The following MYH6 variants were observed in gnomAD, a reference collection of about 807,000 sequenced individuals.
The protein encoded by MYH6 is myosin heavy chain 6.
A neutral mutation model predicts 223.2 loss-of-function variants in MYH6; 126 were observed. That is an observed-to-expected ratio of 0.56 (90% CI 0.49 to 0.65). The LOEUF (loss-of-function observed/expected upper bound fraction) is 0.65. Among genes scored for constraint, MYH6 ranks in the 30% least tolerant of loss-of-function variants. The pLI, the probability that MYH6 is intolerant of heterozygous loss-of-function variation, is 0.00. For missense variants in MYH6, 2,040 were observed against 2,536.4 expected, an observed-to-expected ratio of 0.80 and a Z score of 4.20; for synonymous variants, 978 against 1,010.2, an observed-to-expected ratio of 0.97 and a Z score of 0.61.
intron 36 of MYH6, 21 bp from the exon 37 acceptor site, chr14:23,383,341 G>GGGGGGGGGGGGCCCCCCCCCCCCCC: frequency 1.8e-6 from 1 of 556,572 alleles, no homozygotes; most frequent in East Asian, 4.9e-5. Context: ...GAGGGTGGGA[G>GGGGGGGGGGGGCCCCCCCCCCCCCC]AAGCTGGTTT....
At position 23,400,315 on chromosome 14, in the gene MYH6, C is replaced by T. The variant is rs747945067; in HGVS notation, c.1522G>A (p.Glu508Lys). Residue 508 changes from glutamate to lysine, a missense_variant, in exon 14 of 39, where the codon GAG (glutamate) becomes AAG (lysine). By Grantham distance (56) the Glu-to-Lys change is moderately conservative. This residue lies in a region of MYH6 where 649 missense variants were observed against 877.3 expected (regional missense o/e 0.74). Transcript: ENST00000405093. ...EQEEYKKEGI[E>K]WTFIDFGMDL... Reference sequence around the variant, plus strand: ...ATGCCAAAGTCAATGAATGTCCACTCAATGCCCTCCTTCTTGTACTCCTCC... The same window carrying T: ...ATGCCAAAGTCAATGAATGTCCACTTAATGCCCTCCTTCTTGTACTCCTCC... The T allele has an allele frequency of 1.2e-6, 2 of 1,614,232 alleles. No homozygotes were observed. Among genetic ancestry groups the T allele is most frequent in the African/African-American group, 2.7e-5 (2 of 75,062 alleles).
chr14:23,390,565 C>A, intron 25 of MYH6, 119 bp from the exon 26 acceptor site: 1 of 1,527,408 alleles, frequency 6.5e-7, no homozygotes, highest in Non-Finnish European at 8.8e-7. Context: ...CAACTAGGGG[C>A]AATTTTGTGC....
chr14:23,395,590 G>A (rs1038686704), intron 20 of MYH6, among the ~76,000 whole-genome samples: 2 of 151,596 alleles, frequency 1.3e-5, no homozygotes, highest in African/African-American at 2.4e-5. Context: ...GCAGTGGCTC[G>A]ATCTTGGCTC....
chr14:23,399,375 G>C (rs1033984585), intron 14 of MYH6, among the ~76,000 whole-genome samples: 2 of 152,150 alleles, frequency 1.3e-5, no homozygotes, highest in South Asian at 2.1e-4. Context: ...CAGAGGCACC[G>C]GGCCAGGCTC....
intron 22 of MYH6, 30 bp downstream of exon 22, chr14:23,393,636 T>C (rs1467917476): frequency 6.2e-7 from 1 of 1,614,108 alleles, no homozygotes; most frequent in Non-Finnish European, 8.5e-7. Flanking sequence ...TGAGGAGACC[T>C]GGGCTGAAGC....
chr14:23,389,489 C>T lies in MYH6; in HGVS notation c.3882G>A (p.Glu1294=), dbSNP rs1454599453. Residue 1294 remains glutamate, a synonymous_variant, in exon 28 of 39, where the codon GAG becomes GAA. Coordinates refer to ENST00000405093, the MANE Select transcript of MYH6 (RefSeq NM_002471.4). ...TENGELARQL[E]EKEALISQLT... is the part of the protein sequence containing the mutation. ...GCTGCGAGATTAGCGCCTCCTTTTC[C>T]TCTAGCTGCCGGGCCAACTCTCCTG... 2 of 1,614,164 alleles carry T rather than the reference C, an allele frequency of 1.2e-6. No individual in the cohort carries two copies. The highest frequency in any genetic ancestry group is 1.7e-5 in the Admixed American group (1 of 60,024).
intron 14 of MYH6, 77 bp from the exon 15 acceptor site, chr14:23,399,114 G>A (rs1161291481): frequency 1.3e-6 from 2 of 1,568,824 alleles, no homozygotes; most frequent in Non-Finnish European, 1.8e-6. Context: ...ACCCTGACAG[G>A]AAAAGGAATC....
rs142903245 is a variant in MYH6, at chr14:23,389,270, C to T, written c.3978+123G>A. 4.3e-5 allele frequency: 54 copies of T among 1,253,432 alleles called. No homozygotes were observed. In the African/African-American group the frequency reaches 7.6e-4, roughly 18 times the overall value. 77.6% of individuals were successfully genotyped at this position (1,253,432 alleles called of 1,614,324 possible). ...AATGACGCTTAGCTGCAGGGCAGAA[C>T]CTAGACTGGAGGGTCTTTCCCTTGC... is the stretch of plus-strand genomic sequence containing the variant. On this transcript the variant is annotated intron_variant, in intron 28 of 38. Coordinates refer to ENST00000405093, the MANE Select transcript of MYH6 (RefSeq NM_002471.4).
In MYH6 at chr14:23,405,159, C is replaced by T; in HGVS notation, c.503-32G>A. ...GAAAAAAGAGGAGAAGCAATGGGGT[C>T]AGGGCTGAGGATCTGGGTGGGTGTC... On this transcript the variant is annotated intron_variant, in intron 5 of 38. Transcript: ENST00000405093. This position sits in a 1 kb window ranked among gnomAD's most constrained non-coding sequence, Gnocchi z 4.7. The T allele has an allele frequency of 5.0e-6, 8 of 1,613,980 alleles. No individual in the cohort carries two copies. Among genetic ancestry groups the T allele is most frequent in the Non-Finnish European group, 6.8e-6 (8 of 1,180,038 alleles).
rs763639676 is a variant in MYH6, at chr14:23,386,432, C to T, written c.4842G>A (p.Leu1614=). 13 of 1,614,228 alleles carry T rather than the reference C, an allele frequency of 8.1e-6. No homozygotes were observed. Among genetic ancestry groups the T allele is most frequent in the East Asian group, 4.5e-5 (2 of 44,884 alleles). ...DAETRSRNEV[L]RVKKKMEGDL... is the part of the protein sequence containing the mutation. ...CTCCTTCCATCTTCTTCTTCACCCT[C>T]AGGACCTCGTTGCGGCTGCGTGTCT... Residue 1614 remains leucine, a synonymous_variant, in exon 33 of 39, where the codon CTG becomes CTA. Transcript: ENST00000405093.
chr14:23,398,469 A>C (rs1012594458), intron 15 of MYH6, among the ~76,000 whole-genome samples: 4 of 152,194 alleles, frequency 2.6e-5, no homozygotes, highest in African/African-American at 4.8e-5. Flanking sequence ...ACAGGGATGC[A>C]TGTGCCACCC....
chr14:23,389,565 A>G, intron 27 of MYH6, 28 bp downstream of exon 27: 1 of 1,614,130 alleles, frequency 6.2e-7, no homozygotes. Context: ...GTCCTGCCCT[A>G]GGCAGGGGGT....
At position 23,392,928 on chromosome 14, in the gene MYH6, C is replaced by T. The variant is rs139368987; in HGVS notation, c.3235G>A (p.Glu1079Lys). 5.0e-6 allele frequency: 8 copies of T among 1,613,948 alleles called. No individual in the cohort carries two copies. The highest frequency in any genetic ancestry group is 5.9e-6 in the Non-Finnish European group (7 of 1,180,052). ...MDLENDKLQLEEKLKKKEFDI... is the reference protein window; with the variant it reads ...MDLENDKLQLKEKLKKKEFDI... ...GTCTCCTACTTCTTAAGCTTTTCTT[C>T]CAGCTGCAGTTTATCATTTTCCAGG... The change falls in exon 24 of 39, where the codon GAA (glutamate) becomes AAA (lysine). Residue 1079 changes from glutamate to lysine, a missense_variant. By Grantham distance (56) the Glu-to-Lys change is moderately conservative. Coordinates refer to ENST00000405093, the MANE Select transcript of MYH6 (RefSeq NM_002471.4).
rs761046077 is a variant in MYH6, at chr14:23,387,616, T to G, written c.4563A>C (p.Gly1521=). Residue 1521 remains glycine (G), a synonymous_variant, in exon 32 of 39, where the codon GGA becomes GGC. Transcript: ENST00000405093. ...ISDLTEQLGE[G]GKNVHELEKV... ...TCTCCAGCTCATGCACATTCTTTCC[T>G]CCTTCTCCTAGCTGCTCAGTAAGGT... The G allele has an allele frequency of 6.2e-6, 10 of 1,613,930 alleles. No individual in the cohort carries two copies. In the East Asian group the frequency reaches 2.2e-4, roughly 36 times the overall value.
chr14:23,403,822 A>G, intron 8 of MYH6, 44 bp from the exon 9 acceptor site: 1 of 1,533,948 alleles, frequency 6.5e-7, no homozygotes. Flanking sequence ...CGGGAAGGAC[A>G]GAGTGAAATC....
chr14:23,397,746 TG>T, intron 15 of MYH6, 133 bp from the exon 16 acceptor site: 1 of 949,112 alleles, frequency 1.1e-6, no homozygotes, highest in Non-Finnish European at 1.7e-6. Context: ...CAGTTTACCA[TG>T]AGGATGACAG....
In MYH6 at chr14:23,388,361, T is replaced by A. The variant is rs74039311; in HGVS notation, c.4176-23A>T. The A allele has an allele frequency of 2.0e-5, 33 of 1,610,004 alleles. No homozygotes were observed. The African/African-American group carries it at 4.3e-4, about 21-fold the overall frequency. ...TTTCTGCCCAGGTGAGGGTGGAGGG[T>A]GTGTGTGTGACTCTACTGGGCAACA... On this transcript the variant is annotated intron_variant, in intron 29 of 38. Transcript: ENST00000405093.
Position 23,407,600 on chromosome 14 carries a change from C to G in MYH6, c.-38G>C. 8.6e-7 allele frequency: 1 copy of G among 1,166,558 alleles called. No homozygotes were observed. Among genetic ancestry groups the G allele is most frequent in the East Asian group, 6.0e-5 (1 of 16,708 alleles). 72.3% of individuals were successfully genotyped at this position (1,166,558 alleles called of 1,614,324 possible). ...CCTGGTTATCCCTTCACGGAGAATC[C>G]TGAAGAATCTGGACCGTGGGTGGAG... On this transcript the variant is annotated 5_prime_UTR_variant, in exon 2 of 39. Coordinates refer to ENST00000405093, the MANE Select transcript of MYH6 (RefSeq NM_002471.4). This position sits in a 1 kb window ranked among gnomAD's most constrained non-coding sequence, Gnocchi z 5.6.
chr14:23,404,068 C>A (rs1595063680), intron 8 of MYH6, among the ~76,000 whole-genome samples: 1 of 152,208 alleles, frequency 6.6e-6, no homozygotes, highest in Non-Finnish European at 1.5e-5. Flanking sequence ...GATATTAGTC[C>A]CCCTGTTTCA....
Sources: allele counts gnomAD v4.1 joint callset (sites outside exome capture counted in the v4.1 genomes callset), GRCh38; gene constraint gnomAD v4.1.1; regional missense constraint gnomAD v4.1.1; non-coding constraint Gnocchi (gnomAD v3.1); transcripts MANE v1.5; gene names NCBI Gene and HGNC (gene_info 2026-07-23, HGNC 2026-07-21).